The following PTPRM variants were observed in gnomAD, a reference collection of about 807,000 sequenced individuals.
PTPRM encodes protein tyrosine phosphatase receptor type M.
PTPRM carries 47 observed loss-of-function variants against 186.7 expected under a neutral mutation model. The observed-to-expected ratio is 0.25, with a 90% CI of 0.20 to 0.32. PTPRM has a LOEUF of 0.32. Among genes scored for constraint, PTPRM ranks in the 10% least tolerant of loss-of-function variants. The probability of loss-of-function intolerance (pLI) is 1.00; values close to 1 mark genes in which losing one functional copy is unlikely to be tolerated. For missense variants in PTPRM, 1,494 were observed against 1,865.0 expected, an observed-to-expected ratio of 0.80 and a Z score of 3.66; for synonymous variants, 668 against 674.9, an observed-to-expected ratio of 0.99 and a Z score of 0.16.
intron 4 of PTPRM, among the ~76,000 whole-genome samples, chr18:7,908,602 C>T (rs949582607): frequency 2.6e-5 from 4 of 152,158 alleles, no homozygotes; most frequent in Non-Finnish European, 5.9e-5. Context: ...GCTTGCCAAA[C>T]ATTGAAGTTA....
At chr18:7,859,807 G>A (rs1157504344) in intron 2 of PTPRM, among the ~76,000 whole-genome samples, 1 of 152,168 alleles carries the variant, frequency 6.6e-6, no homozygotes, top group Non-Finnish European at 1.5e-5. Flanking sequence ...ACTCTGATCT[G>A]CTGTGCCTGT....
At chr18:7,616,691 G>C (rs1214610832) in intron 1 of PTPRM, among the ~76,000 whole-genome samples, 2 of 152,168 alleles carry the variant, frequency 1.3e-5, no homozygotes, top group Non-Finnish European at 1.5e-5. Context: ...TTGGTTTCCT[G>C]GAAGAATGCC....
At chr18:7,675,718 T>TG (rs1225089910) in intron 1 of PTPRM, among the ~76,000 whole-genome samples, 2 of 150,380 alleles carry the variant, frequency 1.3e-5, no homozygotes, top group African/African-American at 2.5e-5. Context: ...GGGAAATTTT[T>TG]GTTTGCTTTT....
intron 22 of PTPRM, among the ~76,000 whole-genome samples, chr18:8,326,588 C>T (rs1245246617): frequency 6.6e-6 from 1 of 152,102 alleles, no homozygotes; most frequent in Non-Finnish European, 1.5e-5. Flanking sequence ...AAAGCACACA[C>T]GTAGACCAAC....
At chr18:7,837,084 C>G (rs1396405684) in intron 2 of PTPRM, among the ~76,000 whole-genome samples, 1 of 152,182 alleles carries the variant, frequency 6.6e-6, no homozygotes, top group African/African-American at 2.4e-5. Context: ...CTACCCCGGT[C>G]TCTTTCTCTA....
At chr18:7,772,444 CCCTTCCTTCCTT>C (rs200187256) in intron 1 of PTPRM, among the ~76,000 whole-genome samples, 1,952 of 92,396 alleles carry the variant, frequency 0.021, 72 homozygotes, top group East Asian at 0.099. Flanking sequence ...CTTCCCCTTC[CCCTTCCTTCCTT>C]CCTTCCTTCC....
At chr18:7,585,395 C>G (rs775697974) in intron 1 of PTPRM, among the ~76,000 whole-genome samples, 1 of 152,052 alleles carries the variant, frequency 6.6e-6, no homozygotes, top group East Asian at 1.9e-4. Flanking sequence ...CAGAGAGGAA[C>G]GAAGTTTGAA....
At chr18:7,714,972 A>C (rs60336960) in intron 1 of PTPRM, among the ~76,000 whole-genome samples, 13,253 of 152,236 alleles carry the variant, frequency 0.087, 1,583 homozygotes, top group African/African-American at 0.26. Flanking sequence ...ATTCCAAACA[A>C]TAGAAAAAGA....
At chr18:7,615,907 AT>A (rs1004161155) in intron 1 of PTPRM, among the ~76,000 whole-genome samples, 7 of 152,060 alleles carry the variant, frequency 4.6e-5, no homozygotes, top group African/African-American at 1.7e-4. Flanking sequence ...CAGGGATTAG[AT>A]TCTCATTAGG....
intron 22 of PTPRM, among the ~76,000 whole-genome samples, chr18:8,330,921 C>T (rs1391153274): frequency 3.3e-5 from 5 of 152,162 alleles, no homozygotes; most frequent in Non-Finnish European, 2.9e-5. Flanking sequence ...CTGAAGGTCC[C>T]TCTGGAAGCA....
chr18:7,627,772 T>C (rs1403007953), intron 1 of PTPRM, among the ~76,000 whole-genome samples: 5 of 152,164 alleles, frequency 3.3e-5, no homozygotes, highest in Admixed American at 2.0e-4. Flanking sequence ...AGCTGAACTT[T>C]AACTCGGTGA....
At chr18:7,913,242 A>G (rs1391231835) in intron 4 of PTPRM, among the ~76,000 whole-genome samples, 1 of 78,054 alleles carries the variant, frequency 1.3e-5, no homozygotes, top group Non-Finnish European at 2.3e-5. Flanking sequence ...TTTTTGGTGG[A>G]TCCATAGGAT....
At chr18:8,216,271 A>G (rs543327315) in intron 14 of PTPRM, among the ~76,000 whole-genome samples, 19 of 152,142 alleles carry the variant, frequency 1.2e-4, no homozygotes, top group Non-Finnish European at 2.4e-4. Context: ...GAATTGTCCC[A>G]ATGACTTCAA....
chr18:8,358,249 G>A (rs62085050), intron 23 of PTPRM, among the ~76,000 whole-genome samples: 252 of 147,662 alleles, frequency 1.7e-3, no homozygotes, highest in African/African-American at 4.5e-3. Context: ...CACATGACAC[G>A]CACACACACA....
chr18:8,138,205 CT>C (rs1297251002), intron 13 of PTPRM, among the ~76,000 whole-genome samples: 269 of 66,776 alleles, frequency 4.0e-3, no homozygotes, highest in African/African-American at 0.01. Context: ...CACCCCCTAC[CT>C]TTTTTTTTTT....
At chr18:7,754,093 A>G (rs2041351912) in intron 1 of PTPRM, among the ~76,000 whole-genome samples, 1 of 152,210 alleles carries the variant, frequency 6.6e-6, no homozygotes, top group Non-Finnish European at 1.5e-5. Context: ...CAGTATGTGA[A>G]AATGCTTTAG....
At chr18:8,245,134 T>C (rs1035927875) in intron 15 of PTPRM, among the ~76,000 whole-genome samples, 1 of 152,210 alleles carries the variant, frequency 6.6e-6, no homozygotes, top group Non-Finnish European at 1.5e-5. Flanking sequence ...GCTCATGTCC[T>C]AATACCCACT....
At chr18:7,875,202 GA>G (rs199574991) in intron 2 of PTPRM, among the ~76,000 whole-genome samples, 26 of 148,756 alleles carry the variant, frequency 1.7e-4, no homozygotes, top group Admixed American at 4.0e-4. Flanking sequence ...TCAAGAAAAA[GA>G]AAAAAAAAGA....
chr18:8,091,769 A>G (rs2090746401), intron 11 of PTPRM, among the ~76,000 whole-genome samples: 1 of 152,134 alleles, frequency 6.6e-6, no homozygotes, highest in African/African-American at 2.4e-5. Context: ...AAAATTCTCA[A>G]TTTCATGTAA....
Sources: gnomAD v4.1 joint callset for allele counts (sites outside exome capture counted in the v4.1 genomes callset) on GRCh38, gnomAD v4.1.1 for gene constraint, MANE v1.5 for transcripts, NCBI Gene and HGNC (gene_info 2026-07-23, HGNC 2026-07-21) for gene names.